CPS1: variants seen among roughly 807,000 people sequenced by gnomAD.
CPS1 encodes the protein carbamoyl-phosphate synthase 1.
CPS1 carries 109 observed loss-of-function variants against 174.6 expected under a neutral mutation model. That is an observed-to-expected ratio of 0.62 (90% CI 0.53 to 0.73). CPS1 has a LOEUF of 0.73. CPS1 is among the 30% of genes least tolerant of loss of function. CPS1 has a pLI of 0.00. For missense variants in CPS1, 1,689 were observed against 1,821.9 expected (o/e 0.93, Z 1.33); for synonymous variants, 637 against 632.0 (o/e 1.01, Z -0.12).
At chr2:210,610,904 A>G (rs1165597083) in intron 19 of CPS1, among the ~76,000 whole-genome samples, 2 of 151,946 alleles carry the variant, frequency 1.3e-5, no homozygotes, top group Non-Finnish European at 2.9e-5. Flanking sequence ...TAATAAAAAT[A>G]TATGGAGAGT....
At chr2:210,500,532 C>T (rs751724340) in intron 1 of CPS1, among the ~76,000 whole-genome samples, 15 of 152,166 alleles carry the variant, frequency 9.9e-5, no homozygotes, top group Non-Finnish European at 1.8e-4. Context: ...AAAGGGTCTA[C>T]AGTCCCCATG....
intron 34 of CPS1, chr2:210,673,524 G>C (rs1392718396): frequency 1.3e-5 from 2 of 152,210 alleles, no homozygotes; most frequent in Non-Finnish European, 2.9e-5. Flanking sequence ...TGGAGCATTA[G>C]GGAAGCCTGT....
At position 210,582,716 on chromosome 2, in the gene CPS1, G is replaced by A. The variant is rs1360003271; in HGVS notation, c.621+7G>A. ...TGCTGAGGTTTCAACCAAGGTGAGG[G>A]GTTTTCCTTTATATTTTGTAGTTTT... On this transcript the variant is annotated splice_region_variant and intron_variant, in intron 6 of 37. Transcript: ENST00000233072. The A allele has an allele frequency of 3.7e-6, 6 of 1,600,118 alleles. No homozygotes were observed. Among genetic ancestry groups the A allele is most frequent in the Non-Finnish European group, 5.1e-6 (6 of 1,167,810 alleles).
chr2:210,556,708 T>C lies in CPS1; in HGVS notation c.-26T>C. On this transcript the variant is annotated 5_prime_UTR_variant, in exon 1 of 38. Coordinates refer to ENST00000233072, the MANE Select transcript of CPS1 (RefSeq NM_001875.5). ...ATCTCATAAAATTTATGTAATTTCA[T>C]TTAATTTTAGCCACAAATCATCAAA... is the stretch of plus-strand genomic sequence containing the variant. The C allele has an allele frequency of 1.3e-6, 2 of 1,597,362 alleles. No individual in the cohort carries two copies. The highest frequency in any genetic ancestry group is 1.7e-6 in the Non-Finnish European group (2 of 1,175,172).
At chr2:210,556,976 T>C in intron 1 of CPS1, 117 bp downstream of exon 1, 1 of 1,192,322 alleles carries the variant, frequency 8.4e-7, no homozygotes, top group Non-Finnish European at 1.2e-6. Context: ...AGTACTAATG[T>C]ATTAATGTTT....
chr2:210,587,151 C>A (rs1370796607), intron 6 of CPS1, among the ~76,000 whole-genome samples: 4 of 151,956 alleles, frequency 2.6e-5, no homozygotes, highest in Admixed American at 2.0e-4. Context: ...CAACTACAGT[C>A]TAAGGATTAT....
At chr2:210,585,330 G>T (rs546446720) in intron 6 of CPS1, among the ~76,000 whole-genome samples, 211 of 151,770 alleles carry the variant, frequency 1.4e-3, no homozygotes, top group Non-Finnish European at 2.4e-3. Context: ...TGTTTCTTAT[G>T]GTTCTATGAC....
intron 1 of CPS1, among the ~76,000 whole-genome samples, chr2:210,542,165 G>A (rs984340616): frequency 6.6e-6 from 1 of 151,906 alleles, no homozygotes; most frequent in Non-Finnish European, 1.5e-5. Context: ...TTTCTAACTG[G>A]CCTGGCAAAA....
intron 19 of CPS1, among the ~76,000 whole-genome samples, chr2:210,609,710 G>T (rs1473702002): frequency 1.3e-5 from 2 of 151,800 alleles, no homozygotes; most frequent in Non-Finnish European, 2.9e-5. Context: ...AAGTTGATTA[G>T]AGTACAGAGC....
intron 11 of CPS1, chr2:210,593,744 C>T (rs959618137): frequency 2.1e-5 from 16 of 754,574 alleles, no homozygotes; most frequent in Non-Finnish European, 2.6e-5. Flanking sequence ...TCTGAATTGC[C>T]GTTTTAGATA....
intron 1 of CPS1, among the ~76,000 whole-genome samples, chr2:210,521,434 GA>G (rs1695823669): frequency 6.6e-6 from 1 of 151,666 alleles, no homozygotes; most frequent in African/African-American, 2.4e-5. Flanking sequence ...GAGGATCATT[GA>G]GCTTGCTTCT....
chr2:210,612,045 G>C, intron 19 of CPS1, 72 bp from the exon 20 acceptor site: 1 of 1,286,634 alleles, frequency 7.8e-7, no homozygotes, highest in Non-Finnish European at 1.1e-6. Context: ...TATATTTTAC[G>C]TCCAGTTCAG....
At chr2:210,602,721 T>A (rs1030819850) in intron 16 of CPS1, among the ~76,000 whole-genome samples, 2 of 151,972 alleles carry the variant, frequency 1.3e-5, no homozygotes, top group African/African-American at 2.4e-5. Context: ...GTCTCATTTT[T>A]AATTTTTTAG....
chr2:210,509,250 C>T (rs1171720411), intron 1 of CPS1, among the ~76,000 whole-genome samples: 1 of 152,134 alleles, frequency 6.6e-6, no homozygotes, highest in Non-Finnish European at 1.5e-5. Context: ...AAACATAATC[C>T]AGTATATAAA....
At chr2:210,675,154 C>G (rs1325619045) in intron 35 of CPS1, among the ~76,000 whole-genome samples, 193 bp downstream of exon 35, 2 of 152,182 alleles carry the variant, frequency 1.3e-5, no homozygotes, top group Admixed American at 1.3e-4. Context: ...AAAATTACCA[C>G]AAATTCAATA....
Position 210,491,307 on chromosome 2 carries a change from G to GTTTTTTTTTTTT in CPS1, c.3+13561_3+13572dup, listed in dbSNP as rs66825517. On this transcript the variant is annotated intron_variant, in intron 1 of 38. Transcript: ENST00000430249. Reference sequence around the variant, plus strand: ...GTAAAAGCATGTATTTGGTATCTGTGTTTTTTTTTTTTTTTTTTTTTTTTT... The same window carrying GTTTTTTTTTTTT: ...GTAAAAGCATGTATTTGGTATCTGTGTTTTTTTTTTTTTTTTTTTTTTTTTTTTTTTTTTTTT... Among the ~76,000 whole-genome samples, 26 of 50,354 alleles carry GTTTTTTTTTTTT rather than the reference G, an allele frequency of 5.2e-4. 7 individuals carry two copies. Among genetic ancestry groups the GTTTTTTTTTTTT allele is most frequent in the African/African-American group, 2.5e-3 (25 of 9,984 alleles). 33.0% of individuals were successfully genotyped at this position (50,354 alleles called of 152,430 possible).
At chr2:210,578,632 A>G (rs1313045156) in intron 4 of CPS1, among the ~76,000 whole-genome samples, 1 of 152,070 alleles carries the variant, frequency 6.6e-6, no homozygotes, top group African/African-American at 2.4e-5. Flanking sequence ...TGCTTTCTGA[A>G]AAATAAAAAA....
chr2:210,616,608 A>G, intron 21 of CPS1, 67 bp downstream of exon 21: 1 of 947,016 alleles, frequency 1.1e-6, no homozygotes, highest in Non-Finnish European at 1.7e-6. Context: ...TCTTCTTCCT[A>G]CTCTTAAGCA....
chr2:210,543,416 A>G (rs935810821), intron 1 of CPS1, among the ~76,000 whole-genome samples: 7 of 152,040 alleles, frequency 4.6e-5, no homozygotes, highest in Non-Finnish European at 8.8e-5. Flanking sequence ...CTGTTTCACC[A>G]GGAAGATATC....
Sources: allele counts gnomAD v4.1 joint callset (sites outside exome capture counted in the v4.1 genomes callset), GRCh38; gene constraint gnomAD v4.1.1; transcripts MANE v1.5; gene names NCBI Gene and HGNC (gene_info 2026-07-23, HGNC 2026-07-21).